Variants in MDGA1 observed in about 807,000 individuals in gnomAD.
MDGA1 encodes MAM domain-containing glycosylphosphatidylinositol anchor protein 1.
MDGA1 carries 54 observed loss-of-function variants against 101.5 expected under a neutral mutation model. The observed-to-expected ratio is 0.53, with a 90% confidence interval of 0.43 to 0.67. The LOEUF is 0.67. Among genes scored for constraint, MDGA1 ranks in the 30% least tolerant of loss-of-function variants. The pLI, the probability that MDGA1 is intolerant of heterozygous loss-of-function variation, is 0.00. For synonymous variants in MDGA1, 533 were observed against 558.3 expected (o/e 0.95, Z 0.64); for missense variants, 1,083 against 1,323.8 (o/e 0.82, Z 2.82).
intron 1 of MDGA1, among the ~76,000 whole-genome samples, chr6:37,675,016 C>T (rs1007697189): frequency 2.0e-5 from 3 of 152,164 alleles, no homozygotes; most frequent in African/African-American, 7.2e-5. Flanking sequence ...GAGATCGTGC[C>T]ATTGCACTCC....
At chr6:37,665,435 A>G in intron 1 of MDGA1, among the ~76,000 whole-genome samples, 1 of 152,102 alleles carries the variant, frequency 6.6e-6, no homozygotes, top group East Asian at 1.9e-4. Context: ...TACAAACAGG[A>G]CCTAAGGCCA....
chr6:37,641,881 A>C (rs1433311143), intron 14 of MDGA1: 1 of 152,210 alleles, frequency 6.6e-6, no homozygotes, highest in Non-Finnish European at 1.5e-5. Flanking sequence ...TGGGAGCCCC[A>C]GTGGATGCAG....
chr6:37,677,309 C>T (rs1447024943), intron 1 of MDGA1, among the ~76,000 whole-genome samples: 1 of 152,188 alleles, frequency 6.6e-6, no homozygotes, highest in Non-Finnish European at 1.5e-5. Flanking sequence ...CTGTTCCTAT[C>T]CTATGACCTG....
rs1243807738 is a variant in MDGA1 at position 37,634,387 on chromosome 6, A to G, written c.*2981T>C. 1 of 153,092 alleles carries G rather than the reference A, an allele frequency of 6.5e-6. No homozygotes were observed. 9.5% of individuals were successfully genotyped at this position (153,092 alleles called of 1,614,324 possible). A position where few individuals can be genotyped will look rare whatever the true frequency, so the allele number is the denominator to read the frequency against. ...TCACTCATGGGCCACCCATCAACAC[A>G]CAGACACTGACACACCATGGCGCAC... On this transcript the variant is annotated 3_prime_UTR_variant, in exon 17 of 17. Coordinates refer to ENST00000434837, the MANE Select transcript of MDGA1 (RefSeq NM_153487.4). The surrounding 1 kb of genome is among the most constrained non-coding windows in gnomAD (Gnocchi z 4.7).
Position 37,696,919 on chromosome 6 carries a change from A to T in MDGA1, c.-108T>A. The T allele has an allele frequency of 1.1e-6, 1 of 896,312 alleles. No homozygotes were observed. The highest frequency in any genetic ancestry group is 1.8e-6 in the Non-Finnish European group (1 of 558,374). 55.5% of individuals were successfully genotyped at this position (896,312 alleles called of 1,614,324 possible). On this transcript the variant is annotated 5_prime_UTR_variant, in exon 1 of 17. Coordinates refer to ENST00000434837, the MANE Select transcript of MDGA1 (RefSeq NM_153487.4). This position sits in a 1 kb window ranked among gnomAD's most constrained non-coding sequence, Gnocchi z 5.6. ...CCCTATGTCCCCCCCTTTCCCTGAG[A>T]GGTGAGAGAGAGAGCGGCGACGAAG...
Position 37,655,964 on chromosome 6 carries a change from G to A in MDGA1, c.383-68C>T. 1.4e-6 allele frequency: 2 copies of A among 1,384,126 alleles called. No individual in the cohort carries two copies. The highest frequency in any genetic ancestry group is 9.8e-7 in the Non-Finnish European group (1 of 1,023,008). The allele number at this position is 1,384,126 out of a possible 1,614,324, so 85.7% of individuals were successfully genotyped here. A position where few individuals can be genotyped will look rare whatever the true frequency, so the allele number is the denominator to read the frequency against. Reference sequence around the variant, plus strand: ...CAAGGTTGGGGGGCTCAGGCTCCTGGCAGCCCTTAGGAAGAGCTGAGCCAC... The same window carrying A: ...CAAGGTTGGGGGGCTCAGGCTCCTGACAGCCCTTAGGAAGAGCTGAGCCAC... On this transcript the variant is annotated intron_variant, in intron 3 of 16. Transcript: ENST00000434837. This position sits in a 1 kb window ranked among gnomAD's most constrained non-coding sequence, Gnocchi z 5.1.
In MDGA1 at chr6:37,649,105, C is replaced by G. The variant is rs1464541313; in HGVS notation, c.1771G>C (p.Ala591Pro). 12 of 1,520,642 alleles carry G rather than the reference C, an allele frequency of 7.9e-6. No individual in the cohort carries two copies. The highest frequency in any genetic ancestry group is 1.2e-5 in the South Asian group (1 of 82,508). The allele number at this position is 1,520,642 out of a possible 1,614,324, so 94.2% of individuals were successfully genotyped here. Residue 591 changes from alanine (A) to proline (P), a missense_variant, in exon 9 of 17, where the codon GCC (alanine) becomes CCC (proline). By Grantham distance (27) the Ala-to-Pro change is conservative. Coordinates refer to ENST00000434837, the MANE Select transcript of MDGA1 (RefSeq NM_153487.4). The part of the protein sequence containing the change: ...LLPPPPVVPA[A>P]AEAPDHAELR... ...TCCGCGTGATCCGGCGCCTCGGCGG[C>G]GGCGGGAACAACAGGCGGCGGCGGC...
In MDGA1 at chr6:37,633,096, T is replaced by C. The variant is rs1375829496; in HGVS notation, c.*4272A>G. On this transcript the variant is annotated 3_prime_UTR_variant, in exon 17 of 17. Transcript: ENST00000434837. ...ATCCCTCTGGACCTCGCCTGTACAATGGGGGCACCAGCTTAGATGCTCCCT... is the reference window on the plus strand; with the variant it reads ...ATCCCTCTGGACCTCGCCTGTACAACGGGGGCACCAGCTTAGATGCTCCCT... 6.6e-6 allele frequency: 1 copy of C among 152,016 alleles called. No individual in the cohort carries two copies. Among genetic ancestry groups the C allele is most frequent in the Non-Finnish European group, 1.5e-5 (1 of 68,014 alleles). 9.4% of individuals were successfully genotyped at this position (152,016 alleles called of 1,614,324 possible).
At chr6:37,671,769 T>C (rs1761873518) in intron 1 of MDGA1, among the ~76,000 whole-genome samples, 1 of 152,194 alleles carries the variant, frequency 6.6e-6, no homozygotes, top group Non-Finnish European at 1.5e-5. Context: ...CCAGCTGCTA[T>C]AGCCACAGGT....
chr6:37,678,591 GC>G (rs1012095969), intron 1 of MDGA1, among the ~76,000 whole-genome samples: 1 of 151,818 alleles, frequency 6.6e-6, no homozygotes, highest in Non-Finnish European at 1.5e-5. Context: ...CCATTCTACT[GC>G]CCTCCCCACT....
At chr6:37,686,690 GTGTTGGGATTACAGGTGTGAGTCAC>G (rs1396075663) in intron 1 of MDGA1, among the ~76,000 whole-genome samples, 2 of 152,146 alleles carry the variant, frequency 1.3e-5, no homozygotes, top group African/African-American at 4.8e-5. Flanking sequence ...GCCTCCCAAA[GTGTTGGGATTACAGGTGTGAGTCAC>G]TGAGCCTAGC....
intron 1 of MDGA1, among the ~76,000 whole-genome samples, chr6:37,679,033 T>C (rs1200932284): frequency 6.6e-6 from 1 of 152,152 alleles, no homozygotes; most frequent in Non-Finnish European, 1.5e-5. Flanking sequence ...TTCTTTAGCA[T>C]CAGGTATATT....
Position 37,655,864 on chromosome 6 carries a change from T to C in MDGA1, c.415A>G (p.Thr139Ala). The C allele has an allele frequency of 6.2e-7, 1 of 1,613,364 alleles. No individual in the cohort carries two copies. The highest frequency in any genetic ancestry group is 8.5e-7 in the Non-Finnish European group (1 of 1,179,652). ...LDEPMLTVHQ[T>A]VSDVRGNFYQ... ...AAGTTGCCTCGCACATCGCTCACCG[T>C]CTGGTGCACCGTCAGCATTGGCTCA... is the stretch of plus-strand genomic sequence containing the variant. The change falls in exon 4 of 17, where the codon ACG becomes GCG. Residue 139 changes from threonine (T) to alanine (A), a missense_variant. Transcript: ENST00000434837. This position sits in a 1 kb window ranked among gnomAD's most constrained non-coding sequence, Gnocchi z 5.1.
At chr6:37,690,896 G>C (rs1234309626) in intron 1 of MDGA1, among the ~76,000 whole-genome samples, 1 of 152,006 alleles carries the variant, frequency 6.6e-6, no homozygotes, top group African/African-American at 2.4e-5. Context: ...TTAGCTTCCA[G>C]GCCTTTGCCA....
chr6:37,696,828 T>C lies in MDGA1; in HGVS notation c.-17A>G. On this transcript the variant is annotated 5_prime_UTR_variant, in exon 1 of 17. Coordinates refer to ENST00000434837, the MANE Select transcript of MDGA1 (RefSeq NM_153487.4). This position sits in a 1 kb window ranked among gnomAD's most constrained non-coding sequence, Gnocchi z 5.6. ...CACCTCCATCTTCACGGCCGGTGCTTCATCCCCGCGAGGCGGCGCAGCCCG... is the reference window on the plus strand; with the variant it reads ...CACCTCCATCTTCACGGCCGGTGCTCCATCCCCGCGAGGCGGCGCAGCCCG... 1 of 1,560,802 alleles carries C rather than the reference T, an allele frequency of 6.4e-7. No homozygotes were observed. Among genetic ancestry groups the C allele is most frequent in the Non-Finnish European group, 8.7e-7 (1 of 1,152,070 alleles).
intron 1 of MDGA1, among the ~76,000 whole-genome samples, chr6:37,680,928 C>T (rs1207217735): frequency 1.3e-5 from 2 of 152,104 alleles, no homozygotes; most frequent in Non-Finnish European, 2.9e-5. Context: ...TCCAGCTGAG[C>T]AGGGCCTGCT....
Position 37,638,294 on chromosome 6 carries a change from C to T in MDGA1, c.2687G>A (p.Arg896Gln), listed in dbSNP as rs929958010. 4.3e-6 allele frequency: 7 copies of T among 1,609,482 alleles called. No homozygotes were observed. The highest frequency in any genetic ancestry group is 1.3e-5 in the African/African-American group (1 of 74,766). The change falls in exon 16 of 17, where the codon CGA (arginine) becomes CAA (glutamine). Residue 896 changes from arginine to glutamine, a missense_variant. Around this residue, in one of 3 missense-constraint regions of MDGA1, gnomAD observed 657 missense variants for 771.4 expected, o/e 0.85. Transcript: ENST00000434837. This position sits in a 1 kb window ranked among gnomAD's most constrained non-coding sequence, Gnocchi z 4.8. ...GPFQIIFEGV[R>Q]GPGYLGDIAI... ...AATATCCCCCAGGTAGCCCGGGCCTCGAACCCCCTCAAAAATAATCTGGGG... is the reference window on the plus strand; with the variant it reads ...AATATCCCCCAGGTAGCCCGGGCCTTGAACCCCCTCAAAAATAATCTGGGG...
chr6:37,659,747 T>C (rs1265769244), intron 2 of MDGA1, among the ~76,000 whole-genome samples: 3 of 152,088 alleles, frequency 2.0e-5, no homozygotes, highest in South Asian at 4.1e-4. Context: ...GTGTTGCTGC[T>C]CTCATCCCCT....
At chr6:37,685,092 A>C (rs901517067) in intron 1 of MDGA1, among the ~76,000 whole-genome samples, 1 of 152,142 alleles carries the variant, frequency 6.6e-6, no homozygotes, top group Non-Finnish European at 1.5e-5. Flanking sequence ...GCTTGAGCCC[A>C]GGAATTTGAG....
Sources: gnomAD v4.1 joint callset for allele counts (sites outside exome capture counted in the v4.1 genomes callset) on GRCh38, gnomAD v4.1.1 for gene constraint, gnomAD v4.1.1 regional missense constraint, Gnocchi (gnomAD v3.1) non-coding constraint, MANE v1.5 for transcripts, NCBI Gene and HGNC (gene_info 2026-07-23, HGNC 2026-07-21) for gene names.